The following FNDC3B variants were observed in gnomAD, a reference collection of about 807,000 sequenced individuals.
FNDC3B encodes fibronectin type III domain containing 3B, also known as fibronectin type III domain-containing protein 3B.
Under a neutral mutation model 151.5 loss-of-function variants are expected in FNDC3B, and 12 were observed. The observed-to-expected ratio is 0.08, with a 90% CI of 0.05 to 0.13. FNDC3B has a LOEUF of 0.13. Ranked by LOEUF, FNDC3B falls within the 10% of genes least tolerant of loss-of-function variation. The pLI is 1.00. For missense variants in FNDC3B, 1,214 were observed against 1,505.3 expected (o/e 0.81, Z 3.20); for synonymous variants, 528 against 549.0 (o/e 0.96, Z 0.54).
intron 23 of FNDC3B, among the ~76,000 whole-genome samples, chr3:172,372,768 G>A (rs35039582): frequency 0.15 from 22,144 of 152,180 alleles, 1,854 homozygotes; most frequent in South Asian, 0.22. Flanking sequence ...GGCCTTCCTG[G>A]TGCAGAGTTT....
At chr3:172,392,677 C>A (rs1341719167) in intron 25 of FNDC3B, among the ~76,000 whole-genome samples, 2 of 151,636 alleles carry the variant, frequency 1.3e-5, no homozygotes, top group East Asian at 1.9e-4. Context: ...GAATAGGTGG[C>A]AAGTGTTTTA....
intron 3 of FNDC3B, among the ~76,000 whole-genome samples, chr3:172,200,636 T>C (rs774944460): frequency 6.6e-6 from 1 of 152,220 alleles, no homozygotes; most frequent in Non-Finnish European, 1.5e-5. Context: ...GGCTAAGCTA[T>C]GATGTTTGGT....
In FNDC3B at chr3:172,306,143, G is replaced by C. The variant is rs546958858; in HGVS notation, c.1062-1220G>C. ...ATGGACTTTGTGGAGAAATGACTTTGCAAATCACACACACACTTGGGACCT... is the reference window on the plus strand; with the variant it reads ...ATGGACTTTGTGGAGAAATGACTTTCCAAATCACACACACACTTGGGACCT... On this transcript the variant is annotated intron_variant, in intron 9 of 25. Coordinates refer to ENST00000415807, the MANE Select transcript of FNDC3B (RefSeq NM_022763.4). Among the ~76,000 whole-genome samples the C allele has an allele frequency of 4.8e-3, 734 of 152,288 alleles. 8 individuals are homozygous for C. Among genetic ancestry groups the C allele is most frequent in the African/African-American group, 0.017 (692 of 41,552 alleles).
chr3:172,060,483 C>T (rs561451492), intron 1 of FNDC3B, among the ~76,000 whole-genome samples: 2 of 152,208 alleles, frequency 1.3e-5, no homozygotes, highest in South Asian at 2.1e-4. Flanking sequence ...TCTCATTTGC[C>T]CTTTAGAAGA....
Position 172,399,486 on chromosome 3 carries a change from A to C in FNDC3B, c.*2011A>C, listed in dbSNP as rs1289591035. 6.6e-6 allele frequency: 1 copy of C among 152,650 alleles called. No individual in the cohort carries two copies. Among genetic ancestry groups the C allele is most frequent in the Non-Finnish European group, 1.5e-5 (1 of 68,032 alleles). The allele number at this position is 152,650 out of a possible 1,614,324, so 9.5% of individuals were successfully genotyped here. On this transcript the variant is annotated 3_prime_UTR_variant, in exon 26 of 26. Coordinates refer to ENST00000415807, the MANE Select transcript of FNDC3B (RefSeq NM_022763.4). ...AAGAAAATGCTGAGATCAATGAATT[A>C]TTCTGTGTGCCTATATTGACGTAGT...
At chr3:172,364,779 A>G (rs1734533422) in intron 23 of FNDC3B, among the ~76,000 whole-genome samples, 1 of 152,220 alleles carries the variant, frequency 6.6e-6, no homozygotes. Context: ...CAAAAAGCCC[A>G]AGGCTTGCCT....
At chr3:172,264,730 T>G (rs558251920) in intron 6 of FNDC3B, among the ~76,000 whole-genome samples, 50 of 152,332 alleles carry the variant, frequency 3.3e-4, no homozygotes, top group African/African-American at 1.2e-3. Flanking sequence ...GAAGGATGTT[T>G]TTAATACTAG....
At chr3:172,202,960 C>T (rs756209117) in intron 3 of FNDC3B, among the ~76,000 whole-genome samples, 9 of 152,140 alleles carry the variant, frequency 5.9e-5, no homozygotes, top group Non-Finnish European at 1.0e-4. Context: ...TCTTTTACAA[C>T]CCTTTAAAAA....
At chr3:172,146,516 G>T (rs1721915348) in intron 3 of FNDC3B, among the ~76,000 whole-genome samples, 1 of 152,176 alleles carries the variant, frequency 6.6e-6, no homozygotes, top group African/African-American at 2.4e-5. Flanking sequence ...GACTGGGCAT[G>T]AGTGGTTTTG....
At chr3:172,161,727 C>T (rs761861266) in intron 3 of FNDC3B, among the ~76,000 whole-genome samples, 2 of 152,132 alleles carry the variant, frequency 1.3e-5, no homozygotes, top group African/African-American at 4.8e-5. Context: ...ACATACCATA[C>T]AATTCACCTA....
intron 6 of FNDC3B, among the ~76,000 whole-genome samples, chr3:172,266,071 T>C (rs1728909923): frequency 6.6e-6 from 1 of 152,210 alleles, no homozygotes; most frequent in Admixed American, 6.5e-5. Flanking sequence ...GGTGACCTAG[T>C]CTGTCATCAG....
Position 172,352,275 on chromosome 3 carries a change from C to T in FNDC3B, c.2515-528C>T, listed in dbSNP as rs138456679. 2.4e-3 allele frequency among the ~76,000 whole-genome samples: 368 copies of T among 152,254 alleles called. 1 individual carries two copies. Among genetic ancestry groups the T allele is most frequent in the African/African-American group, 8.5e-3 (352 of 41,534 alleles). On this transcript the variant is annotated intron_variant, in intron 21 of 25. Coordinates refer to ENST00000415807, the MANE Select transcript of FNDC3B (RefSeq NM_022763.4). The surrounding 1 kb of genome is among the most constrained non-coding windows in gnomAD (Gnocchi z 4.2). ...TTTCTCTTGGGTAAAATCAGATAAG[C>T]GCTGACGATTGACTTCAGGGATGAG...
In FNDC3B at chr3:172,331,789, T is replaced by C. The variant is rs368155624; in HGVS notation, c.1554+1074T>C. ...TCCCTCATTTTCTTCAAGTCTGTTC[T>C]CATATGTCATTTCTTTGGGCAGTCC... On this transcript the variant is annotated intron_variant, in intron 13 of 25. Coordinates refer to ENST00000415807, the MANE Select transcript of FNDC3B (RefSeq NM_022763.4). Among the ~76,000 whole-genome samples the C allele has an allele frequency of 2.2e-4, 34 of 152,320 alleles. No homozygotes were observed. The East Asian group carries it at 4.1e-3, about 18-fold the overall frequency.
At chr3:172,136,325 T>C (rs1039923440) in intron 3 of FNDC3B, among the ~76,000 whole-genome samples, 2 of 152,146 alleles carry the variant, frequency 1.3e-5, no homozygotes, top group Non-Finnish European at 2.9e-5. Context: ...GAGCACTTTG[T>C]TAATGAAGTG....
chr3:172,200,828 A>T (rs923522897), intron 3 of FNDC3B, among the ~76,000 whole-genome samples: 1 of 152,230 alleles, frequency 6.6e-6, no homozygotes, highest in South Asian at 2.1e-4. Context: ...TTGAAAAATA[A>T]AACTGTACCT....
In FNDC3B at chr3:172,226,638, T is replaced by C. The variant is rs1190347981; in HGVS notation, c.188-233T>C. Among the ~76,000 whole-genome samples the C allele has an allele frequency of 2.6e-5, 4 of 152,324 alleles. No individual in the cohort carries two copies. The East Asian group carries it at 7.7e-4, about 29-fold the overall frequency. On this transcript the variant is annotated intron_variant, in intron 3 of 25. Transcript: ENST00000415807. ...GGTTTTGGGAATCATTAAATATTTA[T>C]AAAGATACTTATAGTTTTGGGTTTT...
At chr3:172,175,770 G>A (rs147405119) in intron 3 of FNDC3B, among the ~76,000 whole-genome samples, 120 of 152,306 alleles carry the variant, frequency 7.9e-4, no homozygotes, top group African/African-American at 2.9e-3. Flanking sequence ...CTTGTACCGC[G>A]TTGGAGAAGT....
At chr3:172,043,806 A>G (rs1400986013) in intron 1 of FNDC3B, among the ~76,000 whole-genome samples, 1 of 152,182 alleles carries the variant, frequency 6.6e-6, no homozygotes, top group Non-Finnish European at 1.5e-5. Context: ...TTTTGGTTTA[A>G]TATAGGAATT....
chr3:172,365,132 A>T (rs1734550268), intron 23 of FNDC3B, among the ~76,000 whole-genome samples: 1 of 152,230 alleles, frequency 6.6e-6, no homozygotes, highest in African/African-American at 2.4e-5. Context: ...AAGGAGAAAC[A>T]ATTTGAGTTG....
Sources: gnomAD v4.1 joint callset for allele counts (sites outside exome capture counted in the v4.1 genomes callset) on GRCh38, gnomAD v4.1.1 for gene constraint, Gnocchi (gnomAD v3.1) non-coding constraint, MANE v1.5 for transcripts, NCBI Gene and HGNC (gene_info 2026-07-23, HGNC 2026-07-21) for gene names.